ANLN: variants seen among roughly 807,000 people sequenced by gnomAD.
ANLN encodes the protein anillin.
Under a neutral mutation model 135.1 loss-of-function variants are expected in ANLN, and 59 were observed. The observed-to-expected ratio is 0.44, with a 90% confidence interval of 0.35 to 0.54. ANLN has a LOEUF of 0.54. Ranked by LOEUF, ANLN falls within the 20% of genes least tolerant of loss-of-function variation. ANLN has a pLI of 0.00. For synonymous variants in ANLN, 406 were observed against 456.4 expected, an observed-to-expected ratio of 0.89 and a Z score of 1.41; for missense variants, 1,182 against 1,340.0, an observed-to-expected ratio of 0.88 and a Z score of 1.84.
Position 36,407,747 on chromosome 7 carries a change from C to T in ANLN, c.887C>T (p.Pro296Leu). Residue 296 changes from proline to leucine, a missense_variant, in exon 5 of 24, where the codon CCA (proline) becomes CTA (leucine). Pro to Leu is a moderately conservative substitution (Grantham distance 98). Coordinates refer to ENST00000265748, the MANE Select transcript of ANLN (RefSeq NM_018685.5). ...TTCATGTTTCAGAAAGCTACTTCTC[C>T]AGTGAAATCTACTACATCTATCACT... ...SISSSVKATS[P>L]VKSTTSITDA... 6.2e-7 allele frequency: 1 copy of T among 1,612,602 alleles called. No individual in the cohort carries two copies. The highest frequency in any genetic ancestry group is 1.1e-5 in the South Asian group (1 of 91,004).
chr7:36,405,832 C>T (rs1211281700), intron 3 of ANLN, among the ~76,000 whole-genome samples: 1 of 152,114 alleles, frequency 6.6e-6, no homozygotes, highest in African/African-American at 2.4e-5. Flanking sequence ...ATGGTCTAAT[C>T]CATTTTTAAA....
In ANLN at chr7:36,425,750, A is replaced by G. The variant is rs1788055437; in HGVS notation, c.2748+10A>G. 1 of 1,610,152 alleles carries G rather than the reference A, an allele frequency of 6.2e-7. No homozygotes were observed. ...CACATCTATAACCACAGTAAGTAGA[A>G]TTTTTGAGAAATTGAGCTTCCTTGA... On this transcript the variant is annotated intron_variant, in intron 18 of 23. Transcript: ENST00000265748.
At chr7:36,403,965 A>G (rs967152136) in intron 3 of ANLN, among the ~76,000 whole-genome samples, 10 of 151,228 alleles carry the variant, frequency 6.6e-5, no homozygotes, top group Admixed American at 4.0e-4. Context: ...CCTTGCCGGG[A>G]TGTTTGTTTG....
chr7:36,415,858 C>T lies in ANLN; in HGVS notation c.1496C>T (p.Ala499Val). Residue 499 changes from alanine to valine, a missense_variant, in exon 8 of 24, where the codon GCC becomes GTC. Physicochemically the swap from Ala to Val is moderately conservative, Grantham distance 64. Coordinates refer to ENST00000265748, the MANE Select transcript of ANLN (RefSeq NM_018685.5). ...TEKVTENQIPAKNSSTEPKGF... is the reference protein window; with the variant it reads ...TEKVTENQIPVKNSSTEPKGF... ...AAGGTGACCGAAAACCAGATACCAG[C>T]CAAAAATTCTAGTACAGAACCTAAA... is the stretch of plus-strand genomic sequence containing the variant. 6.2e-7 allele frequency: 1 copy of T among 1,601,710 alleles called. No individual in the cohort carries two copies. The highest frequency in any genetic ancestry group is 8.5e-7 in the Non-Finnish European group (1 of 1,175,824).
chr7:36,432,299 G>T (rs1464083841), intron 20 of ANLN, among the ~76,000 whole-genome samples: 2 of 152,160 alleles, frequency 1.3e-5, no homozygotes, highest in Admixed American at 6.5e-5. Flanking sequence ...TCTTAATGGT[G>T]TCTGGGAACT....
At chr7:36,437,571 T>C (rs1788595527) in intron 20 of ANLN, among the ~76,000 whole-genome samples, 1 of 152,122 alleles carries the variant, frequency 6.6e-6, no homozygotes, top group South Asian at 2.1e-4. Flanking sequence ...CTGGGTTATA[T>C]GGTAGTTTTA....
Position 36,390,039 on chromosome 7 carries a change from A to G in ANLN, c.13A>G (p.Thr5Ala). The G allele has an allele frequency of 1.2e-6, 2 of 1,613,900 alleles. No individual in the cohort carries two copies. The highest frequency in any genetic ancestry group is 1.7e-6 in the Non-Finnish European group (2 of 1,179,950). Residue 5 changes from threonine (T) to alanine (A), a missense_variant, in exon 1 of 24, where the codon ACG (threonine) becomes GCG (alanine). Physicochemically the swap from Thr to Ala is moderately conservative, Grantham distance 58. Coordinates refer to ENST00000265748, the MANE Select transcript of ANLN (RefSeq NM_018685.5). MDPF[T>A]EKLLERTRAR... Reference sequence around the variant, plus strand: ...GACGCCTGGGGCGATGGATCCGTTTACGGAGGTGAGTGAGTTTGCGGGTGC... The same window carrying G: ...GACGCCTGGGGCGATGGATCCGTTTGCGGAGGTGAGTGAGTTTGCGGGTGC...
chr7:36,427,527 A>G (rs1562809183), intron 20 of ANLN, among the ~76,000 whole-genome samples: 1 of 151,626 alleles, frequency 6.6e-6, no homozygotes, highest in African/African-American at 2.4e-5. Context: ...AATTTTTACT[A>G]TTGTTTTGTA....
intron 3 of ANLN, among the ~76,000 whole-genome samples, 198 bp from the exon 4 acceptor site, chr7:36,405,983 T>C (rs1787170490): frequency 6.6e-6 from 1 of 152,186 alleles, no homozygotes; most frequent in African/African-American, 2.4e-5. Context: ...TTTTTTTTAA[T>C]TTCGGATTTA....
rs757959913 is a variant in ANLN at position 36,410,505 on chromosome 7, T to G, written c.1097-9T>G. ...GAATAGCCTCCAAAAATGTGTGTGT[T>G]TTCTGTAGGAGGAACAGGAATTAAG... On this transcript the variant is annotated splice_polypyrimidine_tract_variant and intron_variant, in intron 5 of 23. Transcript: ENST00000265748. The G allele has an allele frequency of 2.2e-5, 34 of 1,571,474 alleles. No homozygotes were observed. The African/African-American group carries it at 4.4e-4, about 20-fold the overall frequency.
intron 20 of ANLN, chr7:36,428,462 T>C: frequency 1.7e-6 from 1 of 585,058 alleles, no homozygotes; most frequent in South Asian, 1.8e-5. Context: ...TTGTTTACTT[T>C]GAATAATTAA....
At chr7:36,434,600 A>G (rs1788453242) in intron 20 of ANLN, among the ~76,000 whole-genome samples, 1 of 152,196 alleles carries the variant, frequency 6.6e-6, no homozygotes, top group Admixed American at 6.5e-5. Context: ...ACAGTGGCTC[A>G]TGCCTGTAAT....
chr7:36,449,695 T>A lies in ANLN; in HGVS notation c.3109T>A (p.Cys1037Ser). ...CATAGGAAGGATAAATCTGGCTAAT[T>A]GTACCAGTCGTCAGATAGAACCAGC... ...NPIGRINLAN[C>S]TSRQIEPANR... The change falls in exon 23 of 24, where the codon TGT becomes AGT. Residue 1037 changes from cysteine to serine, a missense_variant. Physicochemically the swap from Cys to Ser is moderately radical, Grantham distance 112 (BLOSUM62 -1). Coordinates refer to ENST00000265748, the MANE Select transcript of ANLN (RefSeq NM_018685.5). The A allele has an allele frequency of 6.2e-7, 1 of 1,613,692 alleles. No homozygotes were observed. The highest frequency in any genetic ancestry group is 8.5e-7 in the Non-Finnish European group (1 of 1,179,788).
At chr7:36,397,161 AAAG>A (rs144464463) in intron 2 of ANLN, among the ~76,000 whole-genome samples, 36,144 of 151,520 alleles carry the variant, frequency 0.24, 5,038 homozygotes, top group South Asian at 0.36. Context: ...TTTTAAAAAA[AAAG>A]AAAGCAGAGA....
chr7:36,416,028 CTTTTCT>C (rs1353958944), intron 8 of ANLN, 144 bp downstream of exon 8: 1 of 743,170 alleles, frequency 1.3e-6, no homozygotes, highest in African/African-American at 1.8e-5. Context: ...TCTTTTTTCA[CTTTTCT>C]TTGAGATGGA....
intron 20 of ANLN, among the ~76,000 whole-genome samples, chr7:36,435,922 T>C (rs949628726): frequency 6.6e-6 from 1 of 151,048 alleles, no homozygotes; most frequent in Non-Finnish European, 1.5e-5. Context: ...ATGCTGCTGT[T>C]TATGTTAGTA....
chr7:36,400,958 C>G (rs1381952659), intron 3 of ANLN, among the ~76,000 whole-genome samples: 2 of 152,096 alleles, frequency 1.3e-5, no homozygotes, highest in African/African-American at 2.4e-5. Flanking sequence ...ATATTTTAGA[C>G]TGGATTAAAC....
rs1789286354 is a variant in ANLN at position 36,452,477 on chromosome 7, G to A, written c.3252G>A (p.Lys1084=). 1 of 1,613,888 alleles carries A rather than the reference G, an allele frequency of 6.2e-7. No homozygotes were observed. Among genetic ancestry groups the A allele is most frequent in the Non-Finnish European group, 8.5e-7 (1 of 1,179,810 alleles). ...SQCRDTLCVT[K]NWLSADTKEE... is the part of the protein sequence containing the mutation. ...CCTCTTTGGTTGTTTGTTCCTGTAG[G>A]AACTGGCTGTCTGCAGATACTAAAG... Residue 1084 remains lysine, a splice_region_variant and synonymous_variant, in exon 24 of 24, where the codon AAG becomes AAA. Coordinates refer to ENST00000265748, the MANE Select transcript of ANLN (RefSeq NM_018685.5).
chr7:36,391,613 C>G, intron 1 of ANLN, among the ~76,000 whole-genome samples: 1 of 152,134 alleles, frequency 6.6e-6, no homozygotes, highest in East Asian at 1.9e-4. Context: ...TTATAGCATT[C>G]ATAACATTTG....
Sources: gnomAD v4.1 joint callset for allele counts (sites outside exome capture counted in the v4.1 genomes callset) on GRCh38, gnomAD v4.1.1 for gene constraint, MANE v1.5 for transcripts, NCBI Gene and HGNC (gene_info 2026-07-23, HGNC 2026-07-21) for gene names.